RGS6: variants seen among roughly 807,000 people sequenced by gnomAD.
The protein encoded by RGS6 is regulator of G-protein signaling 6.
RGS6 carries 30 observed loss-of-function variants against 78.5 expected under a neutral mutation model. The ratio of observed to expected loss-of-function variants is 0.38; its 90% CI spans 0.29 to 0.52. The LOEUF is 0.52. Among genes scored for constraint, RGS6 ranks in the 20% least tolerant of loss-of-function variants. The pLI is 0.85. For synonymous variants in RGS6, 206 were observed against 206.0 expected, an observed-to-expected ratio of 1.00 and a Z score of 0.00; for missense variants, 495 against 609.7, an observed-to-expected ratio of 0.81 and a Z score of 1.98.
chr14:72,549,816 T>A (rs780866403), intron 17 of RGS6, among the ~76,000 whole-genome samples: 16 of 152,102 alleles, frequency 1.1e-4, no homozygotes, highest in Non-Finnish European at 1.9e-4. Flanking sequence ...GAGCCAAGCT[T>A]GCACCACCTC....
chr14:72,349,901 G>A (rs914899075), intron 2 of RGS6, among the ~76,000 whole-genome samples: 1 of 152,122 alleles, frequency 6.6e-6, no homozygotes, highest in African/African-American at 2.4e-5. Context: ...CATTTTCATA[G>A]AAACCATCAA....
Position 71,977,749 on chromosome 14 carries a change from C to CT in RGS6, c.84+12880dup, listed in dbSNP as rs1314929583. Among the ~76,000 whole-genome samples the CT allele has an allele frequency of 2.0e-5, 3 of 151,832 alleles. No individual in the cohort carries two copies. In the East Asian group the frequency reaches 5.9e-4, roughly 30 times the overall value. ...TAGGATTGCCTTGGCGATGCGGGCT[C>CT]TTTTTTGGTTCCATATGAACTTTAA... On this transcript the variant is annotated intron_variant, in intron 2 of 17. Coordinates refer to ENST00000553525, the MANE Select transcript of RGS6 (RefSeq NM_001204424.2).
At chr14:72,424,306 A>C (rs1380904954) in intron 3 of RGS6, among the ~76,000 whole-genome samples, 2 of 152,198 alleles carry the variant, frequency 1.3e-5, no homozygotes. Flanking sequence ...GTTTTCTGGA[A>C]ACTTGAAATG....
At chr14:72,317,919 G>A (rs2070770586) in intron 2 of RGS6, among the ~76,000 whole-genome samples, 1 of 152,208 alleles carries the variant, frequency 6.6e-6, no homozygotes, top group African/African-American at 2.4e-5. Flanking sequence ...AAGGAAGCCA[G>A]TCCAAGTCCC....
At chr14:72,147,549 C>T (rs1305493068) in intron 2 of RGS6, among the ~76,000 whole-genome samples, 1 of 152,172 alleles carries the variant, frequency 6.6e-6, no homozygotes, top group Non-Finnish European at 1.5e-5. Context: ...ACCTAATTGC[C>T]TGTTAAAGGT....
chr14:72,562,790 G>C lies in RGS6; in HGVS notation c.*323G>C. 3 of 1,476,982 alleles carry C rather than the reference G, an allele frequency of 2.0e-6. No homozygotes were observed. Among genetic ancestry groups the C allele is most frequent in the Non-Finnish European group, 2.7e-6 (3 of 1,093,038 alleles). The allele number at this position is 1,476,982 out of a possible 1,614,324, so 91.5% of individuals were successfully genotyped here. A position where few individuals can be genotyped will look rare whatever the true frequency, so the allele number is the denominator to read the frequency against. ...GGGGAGAACACGTCGTGGGGTTCCT[G>C]TCACGACTATCACTTGAGATTATAT... On this transcript the variant is annotated 3_prime_UTR_variant, in exon 18 of 18. Transcript: ENST00000553525.
intron 2 of RGS6, among the ~76,000 whole-genome samples, chr14:72,106,229 G>A (rs904634761): frequency 3.9e-5 from 6 of 152,134 alleles, no homozygotes; most frequent in African/African-American, 1.4e-4. Flanking sequence ...ATTGTATTGA[G>A]AAATTAAACA....
At chr14:72,412,675 G>A (rs2093508972) in intron 3 of RGS6, among the ~76,000 whole-genome samples, 2 of 152,150 alleles carry the variant, frequency 1.3e-5, no homozygotes, top group African/African-American at 4.8e-5. Context: ...GTCAATTTTA[G>A]ACCTTTCGTG....
the RGS6 span, among the ~76,000 whole-genome samples, chr14:72,621,582 G>GGAGT: frequency 6.6e-6 from 1 of 152,158 alleles, no homozygotes; most frequent in South Asian, 2.1e-4. Flanking sequence ...TATCAACAGG[G>GGAGT]GAGTGATACG....
intron 15 of RGS6, 134 bp downstream of exon 15, chr14:72,518,671 A>G: frequency 1.2e-6 from 1 of 819,068 alleles, no homozygotes; most frequent in Non-Finnish European, 1.9e-6. Flanking sequence ...TCATCAGTGG[A>G]AACCATTTCA....
intron 3 of RGS6, among the ~76,000 whole-genome samples, chr14:72,411,047 T>C (rs1007742996): frequency 2.6e-5 from 4 of 152,236 alleles, no homozygotes; most frequent in Non-Finnish European, 5.9e-5. Flanking sequence ...GACTTGGTAA[T>C]GCGGGCTCTT....
chr14:72,600,089 C>A, the RGS6 span, among the ~76,000 whole-genome samples: 5 of 152,062 alleles, frequency 3.3e-5, no homozygotes, highest in South Asian at 4.1e-4. Context: ...GTCCTTCCCC[C>A]CTCCCTTCTT....
At chr14:72,327,315 C>T (rs774874006) in intron 2 of RGS6, among the ~76,000 whole-genome samples, 3 of 152,160 alleles carry the variant, frequency 2.0e-5, no homozygotes, top group Non-Finnish European at 4.4e-5. Flanking sequence ...AGAACTCCCC[C>T]ATCCCAGGGT....
At chr14:72,586,081 A>T in the RGS6 span, among the ~76,000 whole-genome samples, 2 of 152,122 alleles carry the variant, frequency 1.3e-5, no homozygotes, top group African/African-American at 4.8e-5. Flanking sequence ...AGAGTTACAG[A>T]TCCTTCATGG....
chr14:71,980,535 G>A (rs1192778202), intron 2 of RGS6, among the ~76,000 whole-genome samples: 3,276 of 64,278 alleles, frequency 0.051, 534 homozygotes, highest in African/African-American at 0.19. Context: ...TAGTTTGGCT[G>A]GATATGAAAT....
At chr14:71,874,374 A>G in the RGS6 span, among the ~76,000 whole-genome samples, 1 of 151,834 alleles carries the variant, frequency 6.6e-6, no homozygotes, top group Non-Finnish European at 1.5e-5. Flanking sequence ...TGTAAGTTGG[A>G]TTCCTAGGTA....
the RGS6 span, among the ~76,000 whole-genome samples, chr14:71,906,444 C>G: frequency 6.6e-6 from 1 of 152,180 alleles, no homozygotes; most frequent in Non-Finnish European, 1.5e-5. Context: ...AGCTCACCCT[C>G]TCTCTTAGCT....
chr14:72,455,698 G>A (rs558952558), intron 4 of RGS6, among the ~76,000 whole-genome samples: 2 of 152,264 alleles, frequency 1.3e-5, no homozygotes, highest in South Asian at 4.2e-4. Context: ...AACTATAAAT[G>A]CTAACCCTTT....
At chr14:72,323,520 A>G (rs1297603622) in intron 2 of RGS6, among the ~76,000 whole-genome samples, 1 of 151,944 alleles carries the variant, frequency 6.6e-6, no homozygotes, top group African/African-American at 2.4e-5. Flanking sequence ...AGTTTCTGAC[A>G]AAGGAAAATT....
Sources: gnomAD v4.1 joint callset for allele counts (sites outside exome capture counted in the v4.1 genomes callset) on GRCh38, gnomAD v4.1.1 for gene constraint, MANE v1.5 for transcripts, NCBI Gene and HGNC (gene_info 2026-07-23, HGNC 2026-07-21) for gene names.